EEA1: variants seen among roughly 807,000 people sequenced by gnomAD.
The protein encoded by EEA1 is early endosome antigen 1, 162kD.
In EEA1, 111 loss-of-function variants were observed where a neutral mutation model predicts 209.2. The ratio of observed to expected loss-of-function variants is 0.53; its 90% CI spans 0.45 to 0.62. The LOEUF is 0.62. Ranked by LOEUF, EEA1 falls within the 20% of genes least tolerant of loss-of-function variation. The pLI is 0.00. For missense variants in EEA1, 1,343 were observed against 1,530.8 expected, an observed-to-expected ratio of 0.88 and a Z score of 2.05; for synonymous variants, 536 against 540.6, an observed-to-expected ratio of 0.99 and a Z score of 0.12.
At chr12:92,874,539 T>C (rs1278283925) in intron 2 of EEA1, among the ~76,000 whole-genome samples, 1 of 152,146 alleles carries the variant, frequency 6.6e-6, no homozygotes, top group Non-Finnish European at 1.5e-5. Flanking sequence ...CTAATTTTTG[T>C]ATTTTTAGTA....
intron 1 of EEA1, among the ~76,000 whole-genome samples, chr12:92,903,255 A>G (rs1880229527): frequency 1.3e-5 from 2 of 151,794 alleles, no homozygotes; most frequent in East Asian, 3.9e-4. Context: ...AGTCTTGACA[A>G]TTAATGGGAT....
chr12:92,860,267 T>G (rs113810026), intron 3 of EEA1, among the ~76,000 whole-genome samples: 2,836 of 152,258 alleles, frequency 0.019, 97 homozygotes, highest in African/African-American at 0.063. Context: ...AGATAACGTT[T>G]TTTTTTCTTT....
At chr12:92,826,025 C>T in intron 13 of EEA1, 141 bp downstream of exon 13, 1 of 836,082 alleles carries the variant, frequency 1.2e-6, no homozygotes, top group Non-Finnish European at 1.6e-6. Context: ...AAATCCCTCA[C>T]AATCAAGTAT....
chr12:92,895,198 C>T (rs917581676), intron 1 of EEA1, among the ~76,000 whole-genome samples: 2 of 137,884 alleles, frequency 1.5e-5, no homozygotes, highest in Admixed American at 1.5e-4. Context: ...CTCTGTCGCC[C>T]AGGCTGGAGT....
In EEA1 at chr12:92,774,091, T is replaced by C. The variant is rs1483507993; in HGVS notation, c.*1920A>G. On this transcript the variant is annotated 3_prime_UTR_variant, in exon 29 of 29. Coordinates refer to ENST00000322349, the MANE Select transcript of EEA1 (RefSeq NM_003566.4). ...AACAGTGGTGCTGTGAATATCTGTGTTTTTCCAGCACACTTATTAAGTTAT... is the reference window on the plus strand; with the variant it reads ...AACAGTGGTGCTGTGAATATCTGTGCTTTTCCAGCACACTTATTAAGTTAT... The C allele has an allele frequency of 6.6e-6, 1 of 150,686 alleles. No individual in the cohort carries two copies. The highest frequency in any genetic ancestry group is 2.4e-5 in the African/African-American group (1 of 41,200). The allele number at this position is 150,686 out of a possible 1,614,324, so 9.3% of individuals were successfully genotyped here. A position where few individuals can be genotyped will look rare whatever the true frequency, so the allele number is the denominator to read the frequency against.
chr12:92,891,184 T>A (rs936164332), intron 2 of EEA1, among the ~76,000 whole-genome samples: 2 of 151,998 alleles, frequency 1.3e-5, no homozygotes, highest in African/African-American at 4.8e-5. Flanking sequence ...TTTAATATAA[T>A]GTATTTATAT....
intron 2 of EEA1, 75 bp downstream of exon 2, chr12:92,891,554 C>T: frequency 8.7e-7 from 1 of 1,148,874 alleles, no homozygotes; most frequent in Non-Finnish European, 1.2e-6. Context: ...CTATACAAAT[C>T]ACCAATCGTT....
At chr12:92,849,260 A>T (rs938297580) in intron 9 of EEA1, among the ~76,000 whole-genome samples, 1 of 151,596 alleles carries the variant, frequency 6.6e-6, no homozygotes, top group Non-Finnish European at 1.5e-5. Flanking sequence ...AAGGGAGTGT[A>T]TTTTTTTTTA....
intron 21 of EEA1, among the ~76,000 whole-genome samples, chr12:92,790,322 T>C (rs775032927): frequency 2.0e-5 from 3 of 152,156 alleles, no homozygotes; most frequent in Non-Finnish European, 4.4e-5. Context: ...AGGTTGGTAA[T>C]AACGAACTTC....
rs561957512 is a variant in EEA1 at position 92,812,916 on chromosome 12, G to T, written c.2043+64C>A. On this transcript the variant is annotated intron_variant, in intron 16 of 28. Transcript: ENST00000322349. The stretch of plus-strand genomic sequence containing the variant: ...ACAAAACTGGGTATCATCTTTACAT[G>T]TTTGCAATTTATTTATCTACCAAAG... 1.6e-5 allele frequency: 18 copies of T among 1,152,958 alleles called. No individual in the cohort carries two copies. In the Admixed American group the frequency reaches 3.1e-4, roughly 20 times the overall value. The allele number at this position is 1,152,958 out of a possible 1,614,324, so 71.4% of individuals were successfully genotyped here. A position where few individuals can be genotyped will look rare whatever the true frequency, so the allele number is the denominator to read the frequency against.
intron 3 of EEA1, among the ~76,000 whole-genome samples, chr12:92,861,245 C>A (rs1878132370): frequency 6.6e-6 from 1 of 152,280 alleles, no homozygotes; most frequent in Non-Finnish European, 1.5e-5. Flanking sequence ...CACCTGAGGT[C>A]AGGAGTTCGA....
chr12:92,789,286 T>TG, intron 21 of EEA1, among the ~76,000 whole-genome samples: 1 of 63,558 alleles, frequency 1.6e-5, no homozygotes, highest in East Asian at 1.3e-3. Flanking sequence ...AGACGCCATC[T>TG]CAAAAAAAAA....
At chr12:92,883,382 G>A (rs909472485) in intron 2 of EEA1, among the ~76,000 whole-genome samples, 3 of 152,132 alleles carry the variant, frequency 2.0e-5, no homozygotes, top group East Asian at 1.9e-4. Context: ...TAACTCTGTC[G>A]ATAGTTTCTT....
In EEA1 at chr12:92,779,435, T is replaced by C. The variant is rs1873804116; in HGVS notation, c.3469-135A>G. 9.2e-6 allele frequency: 7 copies of C among 762,944 alleles called. No individual in the cohort carries two copies. The South Asian group carries it at 1.6e-4, about 18-fold the overall frequency. The allele number at this position is 762,944 out of a possible 1,614,324, so 47.3% of individuals were successfully genotyped here. ...CTTATGAAATTCTTAAAGTTCAGTA[T>C]TTTAAAGAATTGGTTAAAAAGATAC... On this transcript the variant is annotated intron_variant, in intron 24 of 28. Transcript: ENST00000322349.
intron 23 of EEA1, among the ~76,000 whole-genome samples, chr12:92,780,619 T>C (rs1274678713): frequency 6.6e-6 from 1 of 152,170 alleles, no homozygotes; most frequent in Non-Finnish European, 1.5e-5. Context: ...GATTAAATAG[T>C]TATAGTTAAT....
At chr12:92,900,950 C>T (rs768846473) in intron 1 of EEA1, among the ~76,000 whole-genome samples, 1 of 151,088 alleles carries the variant, frequency 6.6e-6, no homozygotes, top group African/African-American at 2.4e-5. Flanking sequence ...ATTACAGGCG[C>T]GAGCCAACAC....
At chr12:92,869,369 T>C (rs1031631813) in intron 2 of EEA1, among the ~76,000 whole-genome samples, 4 of 152,100 alleles carry the variant, frequency 2.6e-5, no homozygotes, top group Non-Finnish European at 5.9e-5. Flanking sequence ...TGTAATCCTT[T>C]CTCATATCCA....
chr12:92,927,965 CT>C (rs1281361312), intron 1 of EEA1, among the ~76,000 whole-genome samples: 1 of 152,204 alleles, frequency 6.6e-6, no homozygotes, highest in Admixed American at 6.5e-5. Flanking sequence ...AGAGCACTCC[CT>C]TCCTATCTAC....
intron 11 of EEA1, 52 bp downstream of exon 11, chr12:92,832,460 C>G: frequency 6.6e-7 from 1 of 1,504,696 alleles, no homozygotes; most frequent in Non-Finnish European, 9.0e-7. Flanking sequence ...ATCAAGTACA[C>G]GAAGAAGAAA....
Sources: gnomAD v4.1 joint callset for allele counts (sites outside exome capture counted in the v4.1 genomes callset) on GRCh38, gnomAD v4.1.1 for gene constraint, MANE v1.5 for transcripts, NCBI Gene and HGNC (gene_info 2026-07-23, HGNC 2026-07-21) for gene names.